The following TMEM144 variants were observed in gnomAD, a reference collection of about 807,000 sequenced individuals.
TMEM144 encodes the protein transmembrane protein 144.
A neutral mutation model predicts 43.6 loss-of-function variants in TMEM144; 39 were observed. The observed-to-expected ratio is 0.90, with a 90% CI of 0.69 to 1.17. The LOEUF is 1.17. Ranked by LOEUF, TMEM144 falls within the 50% of genes most tolerant of loss-of-function variation. The probability of loss-of-function intolerance (pLI) is 0.00; values close to 1 mark genes in which losing one functional copy is unlikely to be tolerated. For missense variants in TMEM144, 417 were observed against 411.9 expected (o/e 1.01, Z -0.11); for synonymous variants, 154 against 133.6 (o/e 1.15, Z -1.06).
intron 6 of TMEM144, among the ~76,000 whole-genome samples, chr4:158,227,184 G>A (rs1579118086): frequency 6.6e-6 from 1 of 150,560 alleles, no homozygotes; most frequent in East Asian, 2.0e-4. Context: ...GAGTTAGTAA[G>A]CTGCTTTTTT....
chr4:158,239,683 T>C (rs1372334977), intron 9 of TMEM144, among the ~76,000 whole-genome samples: 2 of 152,182 alleles, frequency 1.3e-5, no homozygotes, highest in Non-Finnish European at 2.9e-5. Context: ...CCTGAGTGCC[T>C]ATTTTTAAAA....
chr4:158,233,810 A>C (rs1735205657), intron 7 of TMEM144: 1 of 152,250 alleles, frequency 6.6e-6, no homozygotes. Context: ...CCTTAGTTAA[A>C]TTGACACTAA....
chr4:158,235,461 C>A lies in TMEM144; in HGVS notation c.519C>A (p.Pro173=). ...TEHVINTTQD[P]CSWVDKLSTV... is the part of the protein sequence containing the mutation. ...AGGTGATCAACACAACCCAAGACCC[C>A]TGTTCCTGGGTGGATAAACTTTCTA... Residue 173 remains proline (P), a synonymous_variant, in exon 8 of 13, where the codon CCC becomes CCA. Transcript: ENST00000296529. The A allele has an allele frequency of 2.1e-5, 34 of 1,614,022 alleles. No homozygotes were observed. Among genetic ancestry groups the A allele is most frequent in the Non-Finnish European group, 2.9e-5 (34 of 1,179,922 alleles).
intron 12 of TMEM144, among the ~76,000 whole-genome samples, chr4:158,247,222 T>C (rs1735933913): frequency 6.6e-6 from 1 of 151,972 alleles, no homozygotes; most frequent in Non-Finnish European, 1.5e-5. Context: ...GAAGCTTTAG[T>C]GGTACAGTAT....
intron 6 of TMEM144, among the ~76,000 whole-genome samples, chr4:158,221,402 C>A (rs530732792): frequency 6.6e-6 from 1 of 152,262 alleles, no homozygotes; most frequent in African/African-American, 2.4e-5. Context: ...CTCCCCCTGG[C>A]AGAACCTAGC....
chr4:158,247,558 A>G (rs1436273545), intron 12 of TMEM144, among the ~76,000 whole-genome samples: 1 of 152,130 alleles, frequency 6.6e-6, no homozygotes, highest in Admixed American at 6.5e-5. Flanking sequence ...GGCTTGAGAT[A>G]TAAAATAAAT....
At position 158,219,416 on chromosome 4, in the gene TMEM144, G is replaced by T. The variant is rs1470747188; in HGVS notation, c.413+26G>T. ...GTACACAGTCATTTCTAGTGATTTT[G>T]CTGTTCTTCAAAACATGGAGAGTGC... On this transcript the variant is annotated intron_variant, in intron 6 of 12. Coordinates refer to ENST00000296529, the MANE Select transcript of TMEM144 (RefSeq NM_018342.5). 5.6e-6 allele frequency: 9 copies of T among 1,602,894 alleles called. No homozygotes were observed. In the Admixed American group the frequency reaches 1.5e-4, roughly 27 times the overall value.
At chr4:158,239,987 A>G (rs1054717943) in intron 9 of TMEM144, among the ~76,000 whole-genome samples, 3 of 151,150 alleles carry the variant, frequency 2.0e-5, no homozygotes, top group African/African-American at 7.3e-5. Context: ...CCAGGTTCAC[A>G]CCATTCTCCT....
In TMEM144 at chr4:158,250,723, C is replaced by T. The variant is rs182767044; in HGVS notation, c.955-2721C>T. On this transcript the variant is annotated intron_variant, in intron 12 of 12. Coordinates refer to ENST00000296529, the MANE Select transcript of TMEM144 (RefSeq NM_018342.5). ...ACCCAAGTTTGGTGCATGTTCTTCACTGAGTCCTTGAGTGAGCATTAGGGG... is the reference window on the plus strand; with the variant it reads ...ACCCAAGTTTGGTGCATGTTCTTCATTGAGTCCTTGAGTGAGCATTAGGGG... 8.5e-5 allele frequency among the ~76,000 whole-genome samples: 13 copies of T among 152,306 alleles called. No homozygotes were observed. The East Asian group carries it at 2.3e-3, about 27-fold the overall frequency.
rs1579167738 is a variant in TMEM144, at chr4:158,254,441, T to G, written c.*914T>G. The G allele has an allele frequency of 2.0e-5, 3 of 150,312 alleles. No homozygotes were observed. Among genetic ancestry groups the G allele is most frequent in the Admixed American group, 6.6e-5 (1 of 15,120 alleles). 9.3% of individuals were successfully genotyped at this position (150,312 alleles called of 1,614,324 possible). A position where few individuals can be genotyped will look rare whatever the true frequency, so the allele number is the denominator to read the frequency against. ...TAAAATGACAGGCATGCTAGTTTTT[T>G]TTTTTTTTTTTTTTTTTTAAGAAAA... On this transcript the variant is annotated 3_prime_UTR_variant, in exon 13 of 13. Coordinates refer to ENST00000296529, the MANE Select transcript of TMEM144 (RefSeq NM_018342.5).
At chr4:158,221,983 C>T (rs997212362) in intron 6 of TMEM144, among the ~76,000 whole-genome samples, 3 of 152,206 alleles carry the variant, frequency 2.0e-5, no homozygotes, top group African/African-American at 4.8e-5. Flanking sequence ...GGTTCCTCTT[C>T]CTGAGTTCTC....
chr4:158,235,327 A>AT, intron 7 of TMEM144, 111 bp from the exon 8 acceptor site: 1 of 1,104,060 alleles, frequency 9.1e-7, no homozygotes. Context: ...CATGTTTATT[A>AT]TATTTTAAAG....
chr4:158,240,276 G>A (rs1410881357), intron 9 of TMEM144, 23 bp from the exon 10 acceptor site: 16 of 1,592,866 alleles, frequency 1.0e-5, no homozygotes, highest in Non-Finnish European at 1.3e-5. Flanking sequence ...TGGTGTTTGA[G>A]AGTTTTTAAT....
At position 158,215,394 on chromosome 4, in the gene TMEM144, G is replaced by A. The variant is rs964347124; in HGVS notation, c.232+81G>A. On this transcript the variant is annotated intron_variant, in intron 4 of 12. Transcript: ENST00000296529. ...CTCGTTCACAATAGGAGGAAATAGC[G>A]CAAACAGTGATTCTGAATAACCCTT... The A allele has an allele frequency of 1.1e-5, 16 of 1,503,128 alleles. No homozygotes were observed. The South Asian group carries it at 1.1e-4, about 11-fold the overall frequency. The allele number at this position is 1,503,128 out of a possible 1,614,324, so 93.1% of individuals were successfully genotyped here.
intron 4 of TMEM144, among the ~76,000 whole-genome samples, chr4:158,216,156 G>C (rs1734209850): frequency 1.3e-5 from 2 of 151,482 alleles, no homozygotes; most frequent in African/African-American, 2.4e-5. Flanking sequence ...TATCTAACAG[G>C]GGGAGAGGAA....
chr4:158,249,602 G>A (rs185757960), intron 12 of TMEM144, among the ~76,000 whole-genome samples: 1 of 152,284 alleles, frequency 6.6e-6, no homozygotes, highest in East Asian at 1.9e-4. Context: ...TTCATTCCCT[G>A]AGAACATTAT....
At chr4:158,246,825 A>C (rs146766611) in intron 12 of TMEM144, among the ~76,000 whole-genome samples, 1 of 152,028 alleles carries the variant, frequency 6.6e-6, no homozygotes, top group Admixed American at 6.5e-5. Flanking sequence ...GGTATGAAGA[A>C]GTACAAACCA....
intron 4 of TMEM144, among the ~76,000 whole-genome samples, chr4:158,216,644 A>C (rs1734236791): frequency 6.6e-6 from 1 of 151,920 alleles, no homozygotes; most frequent in Non-Finnish European, 1.5e-5. Flanking sequence ...CCCAAAGGAC[A>C]ATAAAGCAAG....
chr4:158,251,512 GA>G (rs1192131745), intron 12 of TMEM144, among the ~76,000 whole-genome samples: 1 of 152,216 alleles, frequency 6.6e-6, no homozygotes. Context: ...AAGGAAACTT[GA>G]AATAGCTGCA....
Sources: gnomAD v4.1 joint callset for allele counts (sites outside exome capture counted in the v4.1 genomes callset) on GRCh38, gnomAD v4.1.1 for gene constraint, MANE v1.5 for transcripts, NCBI Gene and HGNC (gene_info 2026-07-23, HGNC 2026-07-21) for gene names.